The following CAPN14 variants were observed in gnomAD, a reference collection of about 807,000 sequenced individuals.
The protein encoded by CAPN14 is calpain 14.
CAPN14 carries 94 observed loss-of-function variants against 101.3 expected under a neutral mutation model. That is an observed-to-expected ratio of 0.93 (90% CI 0.79 to 1.10). The LOEUF is 1.10. CAPN14 is among the 50% of genes least tolerant of loss of function. The pLI, the probability that CAPN14 is intolerant of heterozygous loss-of-function variation, is 0.00. For synonymous variants in CAPN14, 338 were observed against 317.9 expected, an observed-to-expected ratio of 1.06 and a Z score of -0.67; for missense variants, 837 against 828.4, an observed-to-expected ratio of 1.01 and a Z score of -0.13.
At chr2:31,205,659 C>T (rs528915861) in intron 1 of CAPN14, among the ~76,000 whole-genome samples, 160 bp from the exon 2 acceptor site, 1 of 152,174 alleles carries the variant, frequency 6.6e-6, no homozygotes, top group Admixed American at 6.5e-5. Context: ...GAGTGTGGGT[C>T]CTTGAGCACT....
chr2:31,221,465 C>T (rs973979642), upstream of CAPN14, among the ~76,000 whole-genome samples: 9 of 152,316 alleles, frequency 5.9e-5, no homozygotes, highest in Middle Eastern at 3.4e-3. Context: ...CCATTCTCTT[C>T]TTGACCCTTT....
chr2:31,217,390 A>C (rs1318634106), intron 1 of CAPN14, 66 bp downstream of exon 1: 1 of 152,072 alleles, frequency 6.6e-6, no homozygotes, highest in East Asian at 1.9e-4. Context: ...CTAAACCCAG[A>C]CCCTGTAGAG....
intron 7 of CAPN14, among the ~76,000 whole-genome samples, chr2:31,198,817 TTCTCGCCCCGTGCAAA>T (rs1681599317): frequency 6.6e-6 from 1 of 152,146 alleles, no homozygotes; most frequent in Admixed American, 6.5e-5. Context: ...CAGAATGCCC[TTCTCGCCCCGTGCAAA>T]TCTATCCATT....
intron 20 of CAPN14, 62 bp from the exon 21 acceptor site, chr2:31,176,704 T>A: frequency 1.4e-6 from 2 of 1,408,154 alleles, no homozygotes. Context: ...TATGAATTAG[T>A]TCCTCCCATA....
chr2:31,217,562 C>T (rs1682706040), upstream of CAPN14: 2 of 152,288 alleles, frequency 1.3e-5, no homozygotes. Flanking sequence ...CCTTTCTACA[C>T]ATGGTGTTTA....
At chr2:31,178,672 G>A in intron 17 of CAPN14, 93 bp from the exon 18 acceptor site, 2 of 802,208 alleles carry the variant, frequency 2.5e-6, no homozygotes, top group Non-Finnish European at 3.8e-6. Context: ...TGTGCAATTT[G>A]TGGATGGCCT....
intron 2 of CAPN14, among the ~76,000 whole-genome samples, chr2:31,226,090 T>C (rs1026384645): frequency 3.9e-4 from 59 of 152,308 alleles, no homozygotes; most frequent in African/African-American, 1.3e-3. Flanking sequence ...GATTGTGTTA[T>C]CTAATAATTT....
chr2:31,202,053 C>A (rs1357533701), intron 4 of CAPN14, 55 bp from the exon 5 acceptor site: 1 of 1,550,484 alleles, frequency 6.4e-7, no homozygotes, highest in South Asian at 1.2e-5. Context: ...TGGTGATCAG[C>A]CCAGAAGGTG....
At position 31,176,713 on chromosome 2, in the gene CAPN14, T is replaced by C. The variant is rs548545417; in HGVS notation, c.1973-71A>G. ...AAACATTATGAATTAGTTCCTCCCA[T>C]ATGTCTCACCTTAACCACATCCATT... On this transcript the variant is annotated intron_variant, in intron 20 of 21. Transcript: ENST00000403897. The C allele has an allele frequency of 2.7e-5, 37 of 1,351,976 alleles. No individual in the cohort carries two copies. The East Asian group carries it at 8.3e-4, about 30-fold the overall frequency. The allele number at this position is 1,351,976 out of a possible 1,614,324, so 83.7% of individuals were successfully genotyped here.
chr2:31,188,494 C>G (rs1462853105), intron 13 of CAPN14, 140 bp from the exon 14 acceptor site: 1 of 711,732 alleles, frequency 1.4e-6, no homozygotes, highest in East Asian at 2.7e-5. Context: ...CACACCTCAC[C>G]TCCTGCTTCC....
At chr2:31,226,560 G>C (rs1296982033) in exon 2 of CAPN14, 1 of 152,230 alleles carries the variant, frequency 6.6e-6, no homozygotes, top group Non-Finnish European at 1.5e-5. Flanking sequence ...ACTGGTGCTG[G>C]TCCTGGGGTC....
At chr2:31,227,546 A>ATAG (rs1314889249) in intron 1 of CAPN14, among the ~76,000 whole-genome samples, 2 of 152,190 alleles carry the variant, frequency 1.3e-5, no homozygotes, top group African/African-American at 4.8e-5. Context: ...AGCGCTTACT[A>ATAG]TAGACTTATA....
chr2:31,210,181 C>T (rs571795000), intron 1 of CAPN14, among the ~76,000 whole-genome samples: 32 of 152,274 alleles, frequency 2.1e-4, no homozygotes, highest in South Asian at 4.1e-4. Flanking sequence ...CGGTGGCTCA[C>T]GCCTGTAATC....
At chr2:31,187,535 C>A (rs977638820) in intron 15 of CAPN14, among the ~76,000 whole-genome samples, 1 of 152,080 alleles carries the variant, frequency 6.6e-6, no homozygotes, top group Admixed American at 6.5e-5. Context: ...AATGAGCGTC[C>A]AAGAACAGAG....
intron 16 of CAPN14, among the ~76,000 whole-genome samples, chr2:31,181,587 A>G (rs1680634215): frequency 6.8e-6 from 1 of 146,786 alleles, no homozygotes; most frequent in African/African-American, 2.6e-5. Flanking sequence ...TTAGTTACGT[A>G]TGTATACATG....
chr2:31,185,247 A>T, intron 16 of CAPN14, among the ~76,000 whole-genome samples: 1 of 152,062 alleles, frequency 6.6e-6, no homozygotes, highest in East Asian at 1.9e-4. Context: ...AAGCATATAG[A>T]CTCTTGCCTG....
chr2:31,197,876 C>T (rs1391413006), intron 7 of CAPN14, among the ~76,000 whole-genome samples: 1 of 152,168 alleles, frequency 6.6e-6, no homozygotes, highest in African/African-American at 2.4e-5. Context: ...TTGGATTCTT[C>T]CCCAGAGCCT....
chr2:31,221,064 A>G (rs1157594763), upstream of CAPN14, among the ~76,000 whole-genome samples: 1 of 152,220 alleles, frequency 6.6e-6, no homozygotes, highest in African/African-American at 2.4e-5. Flanking sequence ...CAAGGTTTCA[A>G]AGTAAATTCC....
intron 6 of CAPN14, 79 bp from the exon 7 acceptor site, chr2:31,199,611 T>A: frequency 8.3e-7 from 1 of 1,206,292 alleles, no homozygotes; most frequent in Non-Finnish European, 1.2e-6. Context: ...GCTGTTTGGC[T>A]GGAGCAGGGG....
Sources: gnomAD v4.1 joint callset for allele counts (sites outside exome capture counted in the v4.1 genomes callset) on GRCh38, gnomAD v4.1.1 for gene constraint, MANE v1.5 for transcripts, NCBI Gene and HGNC (gene_info 2026-07-23, HGNC 2026-07-21) for gene names.